Variants in RHBDD1 observed in about 807,000 individuals in gnomAD.
The protein encoded by RHBDD1 is rhomboid-related protein 4.
Under a neutral mutation model 36.3 loss-of-function variants are expected in RHBDD1, and 38 were observed. The ratio of observed to expected loss-of-function variants is 1.05; its 90% CI spans 0.81 to 1.37. The LOEUF (loss-of-function observed/expected upper bound fraction) is 1.37, where lower values mean the gene tolerates loss of function less well. RHBDD1 is among the 40% of genes most tolerant of loss of function. The pLI, the probability that RHBDD1 is intolerant of heterozygous loss-of-function variation, is 0.00. For synonymous variants in RHBDD1, 151 were observed against 136.5 expected, an observed-to-expected ratio of 1.11 and a Z score of -0.74; for missense variants, 393 against 377.6, an observed-to-expected ratio of 1.04 and a Z score of -0.34.
intron 8 of RHBDD1, among the ~76,000 whole-genome samples, chr2:226,923,353 T>C (rs1949455770): frequency 6.6e-6 from 1 of 152,216 alleles, no homozygotes; most frequent in Non-Finnish European, 1.5e-5. Flanking sequence ...ATTCTCTCCT[T>C]GCCTGTAAGG....
the RHBDD1 span, among the ~76,000 whole-genome samples, chr2:226,818,926 C>A: frequency 1.3e-5 from 2 of 152,174 alleles, no homozygotes; most frequent in Non-Finnish European, 2.9e-5. Context: ...CCTCAGTCAG[C>A]TAGAATTGAA....
chr2:226,868,103 G>A (rs935586298), intron 5 of RHBDD1, among the ~76,000 whole-genome samples: 2 of 152,214 alleles, frequency 1.3e-5, no homozygotes, highest in South Asian at 2.1e-4. Context: ...CACTCAAAAT[G>A]TGAAATGGAT....
the RHBDD1 span, among the ~76,000 whole-genome samples, chr2:226,824,246 T>A: frequency 6.6e-6 from 1 of 152,154 alleles, no homozygotes; most frequent in Non-Finnish European, 1.5e-5. Context: ...GAATTCTCTG[T>A]ACTATTTTTG....
At chr2:226,873,163 G>A (rs1255817478) in intron 5 of RHBDD1, among the ~76,000 whole-genome samples, 2 of 152,182 alleles carry the variant, frequency 1.3e-5, no homozygotes. Context: ...GGTTACAAAT[G>A]CACAGTGGGC....
At chr2:226,951,841 A>G (rs984092420) in intron 8 of RHBDD1, among the ~76,000 whole-genome samples, 1 of 152,222 alleles carries the variant, frequency 6.6e-6, no homozygotes, top group Non-Finnish European at 1.5e-5. Context: ...TTGTTGTCCG[A>G]CATGTTTCAG....
rs558200828 is a variant in RHBDD1, at chr2:226,993,618, G to T, written c.857-1813G>T. On this transcript the variant is annotated intron_variant, in intron 8 of 8. Coordinates refer to ENST00000392062, the MANE Select transcript of RHBDD1 (RefSeq NM_001167608.3). The stretch of plus-strand genomic sequence containing the variant: ...CGTTTTTTGGGGTGTTTATTTTGGG[G>T]TGTTCTAGTCAGGAAGGGTACCAGG... Among the ~76,000 whole-genome samples the T allele has an allele frequency of 3.3e-5, 5 of 152,234 alleles. No individual in the cohort carries two copies. The East Asian group carries it at 9.7e-4, about 29-fold the overall frequency.
At chr2:226,891,442 CT>C (rs1353455949) in intron 5 of RHBDD1, among the ~76,000 whole-genome samples, 2 of 152,198 alleles carry the variant, frequency 1.3e-5, no homozygotes, top group Non-Finnish European at 2.9e-5. Flanking sequence ...ATAGAAGTGA[CT>C]TGTATTCTGT....
intron 8 of RHBDD1, among the ~76,000 whole-genome samples, chr2:226,970,646 A>C (rs1953289858): frequency 6.6e-6 from 1 of 152,228 alleles, no homozygotes; most frequent in African/African-American, 2.4e-5. Context: ...AGGAATAAAG[A>C]TGTAAGGAGT....
At chr2:226,849,349 A>G (rs1357388510) in intron 3 of RHBDD1, among the ~76,000 whole-genome samples, 2 of 152,208 alleles carry the variant, frequency 1.3e-5, no homozygotes, top group Non-Finnish European at 2.9e-5. Context: ...CGGTGGAGCG[A>G]GCATATGTGC....
At chr2:226,956,556 G>T (rs1332032071) in intron 8 of RHBDD1, among the ~76,000 whole-genome samples, 1 of 152,106 alleles carries the variant, frequency 6.6e-6, no homozygotes, top group Non-Finnish European at 1.5e-5. Context: ...TGTTGTGAGT[G>T]TTCGTCTATG....
chr2:226,986,690 G>A (rs1957025422), intron 8 of RHBDD1, among the ~76,000 whole-genome samples: 1 of 152,224 alleles, frequency 6.6e-6, no homozygotes, highest in Non-Finnish European at 1.5e-5. Flanking sequence ...AACAGATGCT[G>A]GAGAGGATGT....
intron 8 of RHBDD1, among the ~76,000 whole-genome samples, chr2:226,950,751 A>G (rs1282637739): frequency 2.0e-5 from 3 of 152,182 alleles, no homozygotes; most frequent in African/African-American, 7.2e-5. Context: ...CATTTTTCAC[A>G]TACCTGTTGG....
chr2:226,978,050 C>T (rs976966502), intron 8 of RHBDD1, among the ~76,000 whole-genome samples: 4 of 152,118 alleles, frequency 2.6e-5, no homozygotes, highest in Non-Finnish European at 5.9e-5. Flanking sequence ...GTGTAGTGTC[C>T]TCACTGGAGC....
chr2:226,894,164 A>G (rs1430262851), intron 5 of RHBDD1, among the ~76,000 whole-genome samples: 1 of 152,214 alleles, frequency 6.6e-6, no homozygotes, highest in Non-Finnish European at 1.5e-5. Context: ...AACCACCTGC[A>G]TTCGTTATTC....
chr2:226,943,915 T>G (rs948679419), intron 8 of RHBDD1, among the ~76,000 whole-genome samples: 5 of 152,228 alleles, frequency 3.3e-5, no homozygotes, highest in African/African-American at 1.2e-4. Flanking sequence ...AAACAGTGCT[T>G]CTTGGTCTGT....
chr2:226,948,696 G>T (rs568493046), intron 8 of RHBDD1, among the ~76,000 whole-genome samples: 2 of 151,974 alleles, frequency 1.3e-5, no homozygotes, highest in South Asian at 4.2e-4. Context: ...ATACTTAATG[G>T]GCAAAAGCTG....
chr2:226,991,870 C>T (rs747365336), intron 8 of RHBDD1, among the ~76,000 whole-genome samples: 29 of 152,314 alleles, frequency 1.9e-4, no homozygotes, highest in Non-Finnish European at 4.1e-4. Context: ...CAACTGGACA[C>T]TGCTGAAATG....
chr2:226,994,791 CTG>C lies in RHBDD1; in HGVS notation c.857-636_857-635del, dbSNP rs1207892283. On this transcript the variant is annotated intron_variant, in intron 8 of 8. Coordinates refer to ENST00000392062, the MANE Select transcript of RHBDD1 (RefSeq NM_001167608.3). ...ATTGAAATTCTTGTATCATTACAAA[CTG>C]TGTTTTTGGTAAGTTTGCATCCCTA... 3.9e-5 allele frequency among the ~76,000 whole-genome samples: 6 copies of C among 152,182 alleles called. No homozygotes were observed. The East Asian group carries it at 5.8e-4, about 15-fold the overall frequency.
At chr2:226,818,020 A>T in the RHBDD1 span, among the ~76,000 whole-genome samples, 4 of 152,164 alleles carry the variant, frequency 2.6e-5, no homozygotes, top group Admixed American at 1.3e-4. Flanking sequence ...AAGGTATAGG[A>T]ATTCAGAATG....
Sources: allele counts gnomAD v4.1 joint callset (sites outside exome capture counted in the v4.1 genomes callset), GRCh38; gene constraint gnomAD v4.1.1; transcripts MANE v1.5; gene names NCBI Gene and HGNC (gene_info 2026-07-23, HGNC 2026-07-21).